Variants in LRRTM3 observed in about 807,000 individuals in gnomAD.
LRRTM3 encodes the protein leucine-rich repeat transmembrane neuronal protein 3.
LRRTM3 carries 24 observed loss-of-function variants against 44.7 expected under a neutral mutation model. That is an observed-to-expected ratio of 0.54 (90% confidence interval 0.39 to 0.76). The LOEUF (loss-of-function observed/expected upper bound fraction) is 0.76. Ranked by LOEUF, LRRTM3 falls within the 30% of genes least tolerant of loss-of-function variation. LRRTM3 has a pLI of 0.00. For synonymous variants in LRRTM3, 277 were observed against 278.7 expected (o/e 0.99, Z 0.06); for missense variants, 587 against 702.2 (o/e 0.84, Z 1.85).
intron 2 of LRRTM3, among the ~76,000 whole-genome samples, chr10:67,086,404 T>C (rs1220486289): frequency 2.6e-5 from 4 of 152,032 alleles, no homozygotes; most frequent in Non-Finnish European, 5.9e-5. Context: ...ATTAATTTAG[T>C]AATGAAGTTG....
chr10:67,050,895 G>T (rs1925603), intron 2 of LRRTM3, among the ~76,000 whole-genome samples: 84,742 of 152,026 alleles, frequency 0.56, 24,015 homozygotes, highest in East Asian at 0.78. Context: ...TAGCACAAAT[G>T]ATTCTTTATT....
intron 2 of LRRTM3, among the ~76,000 whole-genome samples, chr10:67,015,936 CA>C (rs1852628962): frequency 1.3e-5 from 2 of 151,886 alleles, no homozygotes; most frequent in African/African-American, 4.8e-5. Context: ...GTGTTGCTTC[CA>C]GTGTCTATTT....
intron 2 of LRRTM3, among the ~76,000 whole-genome samples, chr10:66,945,889 T>C (rs1218925186): frequency 6.6e-6 from 1 of 152,108 alleles, no homozygotes; most frequent in African/African-American, 2.4e-5. Flanking sequence ...GGTCAGGACA[T>C]ATTTATTGAT....
At chr10:67,002,549 GTTTA>G (rs1384145165) in intron 2 of LRRTM3, among the ~76,000 whole-genome samples, 2 of 152,116 alleles carry the variant, frequency 1.3e-5, no homozygotes, top group South Asian at 2.1e-4. Flanking sequence ...CTTTGAAAAT[GTTTA>G]TTTATGACAG....
chr10:66,958,478 A>AG (rs1848948798), intron 2 of LRRTM3, among the ~76,000 whole-genome samples: 2 of 150,842 alleles, frequency 1.3e-5, no homozygotes, highest in African/African-American at 2.4e-5. Flanking sequence ...TTTAAAAAAA[A>AG]TAGCATATAG....
intron 2 of LRRTM3, among the ~76,000 whole-genome samples, chr10:67,074,209 T>C (rs554706423): frequency 6.6e-5 from 10 of 151,798 alleles, no homozygotes; most frequent in Non-Finnish European, 1.2e-4. Context: ...ATTTTTGTAC[T>C]TTTAATAGAA....
chr10:67,012,588 T>C (rs1424448323), intron 2 of LRRTM3, among the ~76,000 whole-genome samples: 2 of 152,194 alleles, frequency 1.3e-5, no homozygotes, highest in South Asian at 2.1e-4. Flanking sequence ...ACCTACTTGC[T>C]TGTCTTCAGG....
At chr10:67,021,714 T>TA (rs1046921301) in intron 2 of LRRTM3, among the ~76,000 whole-genome samples, 2 of 152,258 alleles carry the variant, frequency 1.3e-5, no homozygotes, top group African/African-American at 4.8e-5. Flanking sequence ...GTTGAGATAC[T>TA]AAAAAATTTC....
At chr10:66,945,296 C>T (rs1314432679) in intron 2 of LRRTM3, among the ~76,000 whole-genome samples, 4 of 152,216 alleles carry the variant, frequency 2.6e-5, no homozygotes, top group Non-Finnish European at 4.4e-5. Context: ...TACATCATCA[C>T]TTCCACTTCA....
rs1250875365 is a variant in LRRTM3 at position 66,926,914 on chromosome 10, T to C, written c.5-7T>C. 1 of 1,550,770 alleles carries C rather than the reference T, an allele frequency of 6.4e-7. No homozygotes were observed. The highest frequency in any genetic ancestry group is 2.3e-5 in the East Asian group (1 of 44,128). On this transcript the variant is annotated splice_region_variant and splice_polypyrimidine_tract_variant and intron_variant, in intron 1 of 2. Coordinates refer to ENST00000361320, the MANE Select transcript of LRRTM3 (RefSeq NM_178011.5). ...GGATAACTTTTCTAAGTTGTTTTTA[T>C]TTCCAGGTTTCAATGTAATTAGGCT...
chr10:66,989,041 C>T (rs182991863), intron 2 of LRRTM3, among the ~76,000 whole-genome samples: 84 of 152,004 alleles, frequency 5.5e-4, no homozygotes, highest in African/African-American at 1.8e-3. Context: ...TTATCAGTCT[C>T]GTTACCTCTC....
At chr10:67,078,483 A>G (rs1856853523) in intron 2 of LRRTM3, among the ~76,000 whole-genome samples, 2 of 152,066 alleles carry the variant, frequency 1.3e-5, no homozygotes, top group Admixed American at 1.3e-4. Context: ...CAAGGCAATT[A>G]TTATGATTTA....
chr10:67,021,083 A>G (rs1589614885), intron 2 of LRRTM3, among the ~76,000 whole-genome samples: 1 of 152,306 alleles, frequency 6.6e-6, no homozygotes, highest in South Asian at 2.1e-4. Context: ...TTGATTATAT[A>G]CATTTTGTAA....
At chr10:67,074,413 C>T (rs542182089) in intron 2 of LRRTM3, among the ~76,000 whole-genome samples, 5 of 135,432 alleles carry the variant, frequency 3.7e-5, no homozygotes, top group South Asian at 4.7e-4. Context: ...TGCAGTGGCA[C>T]GATCTCGGCT....
At chr10:67,017,725 CTGTG>C (rs10586644) in intron 2 of LRRTM3, among the ~76,000 whole-genome samples, 17,557 of 147,896 alleles carry the variant, frequency 0.12, 1,196 homozygotes, top group South Asian at 0.28. Flanking sequence ...CAAAAATCAT[CTGTG>C]TGTGTGTGTG....
intron 2 of LRRTM3, among the ~76,000 whole-genome samples, chr10:67,083,601 T>C (rs1857155786): frequency 6.6e-6 from 1 of 152,182 alleles, no homozygotes; most frequent in Non-Finnish European, 1.5e-5. Context: ...CTAAGAATTA[T>C]TCAGATACTA....
rs925521576 is a variant in LRRTM3 at position 67,100,149 on chromosome 10, C to G, written c.*2353C>G. 1.3e-5 allele frequency among the ~76,000 whole-genome samples: 2 copies of G among 151,622 alleles called. No individual in the cohort carries two copies. The highest frequency in any genetic ancestry group is 4.1e-4 in the South Asian group (2 of 4,822). Reference sequence around the variant, plus strand: ...AATGATTTTTAGAAATGTTAAGGTTCCAAGGAGTCTTACAAGTGTATGCCC... The same window carrying G: ...AATGATTTTTAGAAATGTTAAGGTTGCAAGGAGTCTTACAAGTGTATGCCC... On this transcript the variant is annotated 3_prime_UTR_variant, in exon 3 of 3. Transcript: ENST00000361320.
chr10:67,082,372 G>A (rs1349736848), intron 2 of LRRTM3, among the ~76,000 whole-genome samples: 2 of 152,028 alleles, frequency 1.3e-5, no homozygotes, highest in Non-Finnish European at 2.9e-5. Flanking sequence ...TTGCGATTTC[G>A]CTAGCACTGA....
Position 67,097,742 on chromosome 10 carries a change from G to A in LRRTM3, c.1692G>A (p.Leu564=), listed in dbSNP as rs755433052. The part of the protein sequence containing the change: ...METHLETELD[L]STITTAGRIS... ...CACACCTAGAGACTGAGCTGGACCTGAGCACAATCACAACAGCTGGCCGAA... is the reference window on the plus strand; with the variant it reads ...CACACCTAGAGACTGAGCTGGACCTAAGCACAATCACAACAGCTGGCCGAA... The change falls in exon 3 of 3, where the codon CTG becomes CTA. Residue 564 remains leucine (L), a synonymous_variant. Coordinates refer to ENST00000361320, the MANE Select transcript of LRRTM3 (RefSeq NM_178011.5). The A allele has an allele frequency of 1.2e-6, 2 of 1,612,478 alleles. No individual in the cohort carries two copies. Among genetic ancestry groups the A allele is most frequent in the African/African-American group, 2.7e-5 (2 of 74,764 alleles).
Sources: allele counts gnomAD v4.1 joint callset (sites outside exome capture counted in the v4.1 genomes callset), GRCh38; gene constraint gnomAD v4.1.1; transcripts MANE v1.5; gene names NCBI Gene and HGNC (gene_info 2026-07-23, HGNC 2026-07-21).